BSG: variants seen among roughly 807,000 people sequenced by gnomAD.
BSG encodes the protein basigin (Ok blood group), also known as basigin.
BSG carries 37 observed loss-of-function variants against 43.1 expected under a neutral mutation model. The ratio of observed to expected loss-of-function variants is 0.86; its 90% CI spans 0.66 to 1.13. The LOEUF (loss-of-function observed/expected upper bound fraction) is 1.13. Among genes scored for constraint, BSG ranks in the 50% most tolerant of loss-of-function variants. The probability of loss-of-function intolerance (pLI) is 0.00; values close to 1 mark genes in which losing one functional copy is unlikely to be tolerated. For missense variants in BSG, 599 were observed against 554.2 expected, an observed-to-expected ratio of 1.08 and a Z score of -0.81; for synonymous variants, 309 against 238.7, an observed-to-expected ratio of 1.29 and a Z score of -2.72.
upstream of BSG, chr19:572,465 C>A (rs2145882192): frequency 1.7e-6 from 2 of 1,163,126 alleles, no homozygotes; most frequent in South Asian, 8.7e-5. Context: ...TACATGCGAG[C>A]GTGTGCGCGC....
upstream of BSG, chr19:571,360 C>G (rs2145879823): frequency 3.3e-6 from 2 of 603,412 alleles, no homozygotes; most frequent in East Asian, 2.8e-5. Flanking sequence ...CATTGCGACT[C>G]CGAGTTTAAC....
intron 8 of BSG, 62 bp from the exon 9 acceptor site, chr19:582,688 T>G (rs966712243): frequency 2.4e-6 from 3 of 1,270,860 alleles, no homozygotes; most frequent in Non-Finnish European, 1.1e-6. Context: ...TGTGGGCTCC[T>G]GGGTCCCGCC....
intron 1 of BSG, among the ~76,000 whole-genome samples, chr19:573,457 C>G (rs964044494): frequency 1.8e-4 from 27 of 152,294 alleles, no homozygotes; most frequent in African/African-American, 6.3e-4. Flanking sequence ...CCCTCCGGAT[C>G]GGGAAGGGAT....
At position 582,292 on chromosome 19, in the gene BSG, C is replaced by T. The variant is rs202135216; in HGVS notation, c.1070-14C>T. 5.0e-4 allele frequency: 806 copies of T among 1,604,142 alleles called. 4 individuals are homozygous for T. The African/African-American group carries it at 8.1e-3, about 16-fold the overall frequency. On this transcript the variant is annotated splice_polypyrimidine_tract_variant and intron_variant, in intron 6 of 8. Transcript: ENST00000333511. ...CCTCTCGTCCTCTTTTTCATGGCGG[C>T]GGTCCTTCTTCAGATGACGACGCCG...
chr19:579,537 C>T lies in BSG; in HGVS notation c.453C>T (p.Ser151=). 1.2e-6 allele frequency: 2 copies of T among 1,612,786 alleles called. No homozygotes were observed. The highest frequency in any genetic ancestry group is 1.7e-6 in the Non-Finnish European group (2 of 1,179,958). The change falls in exon 3 of 9, where the codon TCC becomes TCT. Residue 151 remains serine, a synonymous_variant. Coordinates refer to ENST00000333511, the MANE Select transcript of BSG (RefSeq NM_001728.4). ...TVFTTVEDLG[S]KILLTCSLND... is the part of the protein sequence containing the mutation. ...TCACTACCGTAGAAGACCTTGGCTC[C>T]AAGATACTCCTCACCTGCTCCTTGA...
chr19:573,286 G>A (rs1230745934), intron 1 of BSG, among the ~76,000 whole-genome samples: 1 of 152,134 alleles, frequency 6.6e-6, no homozygotes, highest in Admixed American at 6.5e-5. Flanking sequence ...ATCTGGAGAC[G>A]GGTCCACCCT....
chr19:580,690 G>C lies in BSG; in HGVS notation c.700G>C (p.Glu234Gln). ...KAVKSSEHIN[E>Q]GETAMLVCKS... ...TGTGAAGTCGTCAGAACACATCAAC[G>C]AGGGGGAGACGGCCATGCTGGTCTG... is the stretch of plus-strand genomic sequence containing the variant. The change falls in exon 5 of 9, where the codon GAG (glutamate) becomes CAG (glutamine). Residue 234 changes from glutamate (E) to glutamine (Q), a missense_variant. Glu to Gln is a conservative substitution (Grantham distance 29). Coordinates refer to ENST00000333511, the MANE Select transcript of BSG (RefSeq NM_001728.4). 5 of 1,612,874 alleles carry C rather than the reference G, an allele frequency of 3.1e-6. No individual in the cohort carries two copies. Among genetic ancestry groups the C allele is most frequent in the Non-Finnish European group, 4.2e-6 (5 of 1,179,992 alleles).
chr19:582,722 C>A, intron 8 of BSG, 28 bp from the exon 9 acceptor site: 2 of 908,824 alleles, frequency 2.2e-6, no homozygotes, highest in Admixed American at 2.3e-5. Flanking sequence ...GAGGTGGGTC[C>A]AGTCTGAGCG....
chr19:580,049 G>T (rs776197785), intron 3 of BSG: 19 of 416,304 alleles, frequency 4.6e-5, no homozygotes, highest in South Asian at 9.3e-5. Context: ...CATAACTGGG[G>T]CTGGGACGGC....
chr19:579,422 G>C, intron 2 of BSG, 78 bp from the exon 3 acceptor site: 1 of 1,578,254 alleles, frequency 6.3e-7, no homozygotes, highest in South Asian at 1.1e-5. Flanking sequence ...GGGAGGAGCC[G>C]CAGGTTCCTG....
intron 1 of BSG, among the ~76,000 whole-genome samples, chr19:576,325 G>T (rs1981768674): frequency 6.6e-6 from 1 of 152,230 alleles, no homozygotes; most frequent in African/African-American, 2.4e-5. Context: ...GGGCAGGAAG[G>T]AGCTTGCCAG....
chr19:572,618 G>T lies in BSG; in HGVS notation c.-17G>T, dbSNP rs753528572. On this transcript the variant is annotated 5_prime_UTR_variant, in exon 1 of 9. Transcript: ENST00000333511. ...GGCAGCGGTTGGAGGTTGTAGGACCGGCGAGGAATAGGAATCATGGCGGCT... is the reference window on the plus strand; with the variant it reads ...GGCAGCGGTTGGAGGTTGTAGGACCTGCGAGGAATAGGAATCATGGCGGCT... 4 of 1,491,568 alleles carry T rather than the reference G, an allele frequency of 2.7e-6. No homozygotes were observed. Among genetic ancestry groups the T allele is most frequent in the East Asian group, 5.8e-5 (2 of 34,652 alleles). 92.4% of individuals were successfully genotyped at this position (1,491,568 alleles called of 1,614,324 possible). A position where few individuals can be genotyped will look rare whatever the true frequency, so the allele number is the denominator to read the frequency against.
Position 580,472 on chromosome 19 carries a change from C to T in BSG, c.655+11C>T, listed in dbSNP as rs1600494966. On this transcript the variant is annotated intron_variant, in intron 4 of 8. Coordinates refer to ENST00000333511, the MANE Select transcript of BSG (RefSeq NM_001728.4). ...ACATCCAGCTCCACGGTGAGTCCTG[C>T]AGCCAGGGGTACCGGGCACCACCGA... 2 of 1,609,812 alleles carry T rather than the reference C, an allele frequency of 1.2e-6. No homozygotes were observed. Among genetic ancestry groups the T allele is most frequent in the Non-Finnish European group, 1.7e-6 (2 of 1,179,788 alleles).
intron 2 of BSG, chr19:578,959 C>T (rs1334285876): frequency 1.8e-5 from 8 of 452,392 alleles, no homozygotes; most frequent in East Asian, 7.0e-5. Flanking sequence ...CTCGATCTCC[C>T]GACCTCGAGA....
chr19:572,350 G>A (rs1029103992), upstream of BSG: 3 of 1,054,552 alleles, frequency 2.8e-6, no homozygotes, highest in African/African-American at 1.7e-5. Flanking sequence ...GAAATGCGCA[G>A]GCTCCAGCCG....
rs547511336 is a variant in BSG, at chr19:574,880, G to A, written c.67+2179G>A. On this transcript the variant is annotated intron_variant, in intron 1 of 8. Transcript: ENST00000333511. The stretch of plus-strand genomic sequence containing the variant: ...ATAGGAGCCCATGGGTGAGGTGAGC[G>A]CGGAAGATAAGCCGCCCCCGCCAGC... Among the ~76,000 whole-genome samples, 9 of 152,300 alleles carry A rather than the reference G, an allele frequency of 5.9e-5. No homozygotes were observed. The South Asian group carries it at 1.2e-3, about 21-fold the overall frequency.
At position 577,758 on chromosome 19, in the gene BSG, C is replaced by A. The variant is rs577509978; in HGVS notation, c.68-16C>A. The A allele has an allele frequency of 5.0e-6, 7 of 1,395,920 alleles. No individual in the cohort carries two copies. The highest frequency in any genetic ancestry group is 1.5e-5 in the African/African-American group (1 of 68,208). 86.5% of individuals were successfully genotyped at this position (1,395,920 alleles called of 1,614,324 possible). ...CCCCAGGCACTAACAAGACCCCACG[C>A]GTGCTCTCCCCACAGCCGGCTTCGT... is the stretch of plus-strand genomic sequence containing the variant. On this transcript the variant is annotated splice_polypyrimidine_tract_variant and intron_variant, in intron 1 of 8. Transcript: ENST00000333511.
chr19:571,728 C>T, upstream of BSG: 1 of 686,722 alleles, frequency 1.5e-6, no homozygotes, highest in Middle Eastern at 2.4e-4. Flanking sequence ...GCGTGGGATG[C>T]AATCTCCAGA....
At position 572,707 on chromosome 19, in the gene BSG, G is replaced by T; in HGVS notation, c.67+6G>T. On this transcript the variant is annotated splice_donor_region_variant and intron_variant, in intron 1 of 8. Transcript: ENST00000333511. ...CCACGGAGCCTCCGGGGCTGGTGAG[G>T]AGCGGGTAGGGGGCGGGGGTGCGGT... The T allele has an allele frequency of 6.8e-7, 1 of 1,473,594 alleles. No homozygotes were observed. The highest frequency in any genetic ancestry group is 9.0e-7 in the Non-Finnish European group (1 of 1,105,610). 91.3% of individuals were successfully genotyped at this position (1,473,594 alleles called of 1,614,324 possible).
Sources: gnomAD v4.1 joint callset for allele counts (sites outside exome capture counted in the v4.1 genomes callset) on GRCh38, gnomAD v4.1.1 for gene constraint, MANE v1.5 for transcripts, NCBI Gene and HGNC (gene_info 2026-07-23, HGNC 2026-07-21) for gene names.